HECTD4: variants seen among roughly 807,000 people sequenced by gnomAD.
The protein encoded by HECTD4 is probable E3 ubiquitin-protein ligase HECTD4.
A neutral mutation model predicts 471.5 loss-of-function variants in HECTD4; 114 were observed. That is an observed-to-expected ratio of 0.24 (90% CI 0.21 to 0.28). The LOEUF (loss-of-function observed/expected upper bound fraction) is 0.28, where lower values mean the gene tolerates loss of function less well. Among genes scored for constraint, HECTD4 ranks in the 10% least tolerant of loss-of-function variants. HECTD4 has a pLI of 1.00. For missense variants in HECTD4, 3,866 were observed against 5,651.5 expected, an observed-to-expected ratio of 0.68 and a Z score of 10.13; for synonymous variants, 2,012 against 2,256.0, an observed-to-expected ratio of 0.89 and a Z score of 3.07.
chr12:112,296,630 G>A (rs1284653266), intron 7 of HECTD4, among the ~76,000 whole-genome samples: 1 of 151,248 alleles, frequency 6.6e-6, no homozygotes, highest in African/African-American at 2.4e-5. Context: ...GGATGTAGGT[G>A]CAAAGGGTGT....
intron 1 of HECTD4, among the ~76,000 whole-genome samples, chr12:112,343,221 T>C (rs1042040109): frequency 6.6e-6 from 1 of 152,216 alleles, no homozygotes; most frequent in Admixed American, 6.5e-5. Flanking sequence ...CATAAATATG[T>C]TGTAAAAGGT....
At chr12:112,206,710 G>T (rs1447506421) in intron 52 of HECTD4, among the ~76,000 whole-genome samples, 1 of 151,920 alleles carries the variant, frequency 6.6e-6, no homozygotes, top group Non-Finnish European at 1.5e-5. Flanking sequence ...CTAATTTTTT[G>T]TATTTTTAGT....
At chr12:112,176,421 G>C (rs2031450280) in intron 65 of HECTD4, among the ~76,000 whole-genome samples, 175 bp downstream of exon 65, 1 of 152,158 alleles carries the variant, frequency 6.6e-6, no homozygotes, top group Non-Finnish European at 1.5e-5. Flanking sequence ...ATATTTCCCA[G>C]AATCTCTGGA....
In HECTD4 at chr12:112,226,217, A is replaced by G. The variant is rs570584027; in HGVS notation, c.6970+426T>C. Among the ~76,000 whole-genome samples the G allele has an allele frequency of 2.6e-5, 4 of 152,010 alleles. No homozygotes were observed. The South Asian group carries it at 8.3e-4, about 32-fold the overall frequency. ...TACACACACACACACACTCACACACACACTCACACACACACTCACACACAC... is the reference window on the plus strand; with the variant it reads ...TACACACACACACACACTCACACACGCACTCACACACACACTCACACACAC... On this transcript the variant is annotated intron_variant, in intron 44 of 75. Coordinates refer to ENST00000682272, the MANE Select transcript of HECTD4 (RefSeq NM_001388303.1).
intron 1 of HECTD4, among the ~76,000 whole-genome samples, chr12:112,371,886 CAAAAAAA>C (rs535844706): frequency 5.2e-5 from 3 of 57,254 alleles, no homozygotes; most frequent in Non-Finnish European, 1.1e-4. Context: ...AACTCTGTCT[CAAAAAAA>C]AAAAAAAAAA....
At chr12:112,363,200 T>C (rs2036490152) in intron 1 of HECTD4, among the ~76,000 whole-genome samples, 1 of 152,158 alleles carries the variant, frequency 6.6e-6, no homozygotes, top group Non-Finnish European at 1.5e-5. Context: ...AATTTATATA[T>C]AACATGTAAT....
chr12:112,193,727 G>T lies in HECTD4; in HGVS notation c.8750-53C>A. On this transcript the variant is annotated intron_variant, in intron 56 of 75. Transcript: ENST00000682272. This position sits in a 1 kb window ranked among gnomAD's most constrained non-coding sequence, Gnocchi z 5.2. ...ACAAGAATCAAAGCAGCCAGTAGCT[G>T]TGAGAGTCTAAGTAACAGAAAATGA... The T allele has an allele frequency of 6.6e-7, 1 of 1,503,806 alleles. No homozygotes were observed. The highest frequency in any genetic ancestry group is 9.1e-7 in the Non-Finnish European group (1 of 1,098,134). 93.2% of individuals were successfully genotyped at this position (1,503,806 alleles called of 1,614,324 possible). A position where few individuals can be genotyped will look rare whatever the true frequency, so the allele number is the denominator to read the frequency against.
chr12:112,264,076 G>A lies in HECTD4; in HGVS notation c.2748+8C>T. The A allele has an allele frequency of 6.2e-7, 1 of 1,607,360 alleles. No homozygotes were observed. Among genetic ancestry groups the A allele is most frequent in the Non-Finnish European group, 8.5e-7 (1 of 1,176,932 alleles). ...GAACGCATCGTTAAAATAAAGCTTG[G>A]TGTTTACCTGTACCTTCAATGTCTC... On this transcript the variant is annotated splice_region_variant and intron_variant, in intron 17 of 75. Coordinates refer to ENST00000682272, the MANE Select transcript of HECTD4 (RefSeq NM_001388303.1).
intron 40 of HECTD4, 144 bp from the exon 41 acceptor site, chr12:112,230,024 T>A (rs562818555): frequency 1.5e-6 from 1 of 681,402 alleles, no homozygotes; most frequent in South Asian, 2.0e-5. Context: ...CTATCAGGTA[T>A]GGCCAATGAC....
rs1160389067 is a variant in HECTD4 at position 112,228,763 on chromosome 12, T to C, written c.6568A>G (p.Asn2190Asp). 6.2e-7 allele frequency: 1 copy of C among 1,613,704 alleles called. No individual in the cohort carries two copies. The highest frequency in any genetic ancestry group is 1.7e-5 in the Admixed American group (1 of 59,866). Residue 2190 changes from asparagine to aspartate, a missense_variant, in exon 42 of 76, where the codon AAT becomes GAT. Transcript: ENST00000682272. This position sits in a 1 kb window ranked among gnomAD's most constrained non-coding sequence, Gnocchi z 4.9. Reference protein sequence around the residue: ...SGSIGVVASINEQEGIATVRF... With the variant: ...SGSIGVVASIDEQEGIATVRF... ...ACTGTAGCTATACCTTCCTGTTCAT[T>C]GATAGAAGCCACTACTCCAATGCTT...
Position 112,179,319 on chromosome 12 carries a change from C to T in HECTD4, c.11066G>A (p.Ser3689Asn). The T allele has an allele frequency of 1.9e-6, 3 of 1,613,384 alleles. No homozygotes were observed. Among genetic ancestry groups the T allele is most frequent in the Non-Finnish European group, 2.5e-6 (3 of 1,179,662 alleles). ...TCTGATGGGCTTCGCTGGTGTCAGG[C>T]TCAGCGTCTGCTCTGAATGGGCACA... ...KSCAHSEQTLSLTPAKPIRVS... is the reference protein window; with the variant it reads ...KSCAHSEQTLNLTPAKPIRVS... Residue 3689 changes from serine to asparagine, a missense_variant, in exon 63 of 76, where the codon AGC becomes AAC. Ser to Asn is a conservative substitution (Grantham distance 46, BLOSUM62 1). Coordinates refer to ENST00000682272, the MANE Select transcript of HECTD4 (RefSeq NM_001388303.1). This position sits in a 1 kb window ranked among gnomAD's most constrained non-coding sequence, Gnocchi z 4.3.
Position 112,190,826 on chromosome 12 carries a change from G to A in HECTD4, c.9432C>T (p.Thr3144=), listed in dbSNP as rs2032053551. Residue 3144 remains threonine, a synonymous_variant, in exon 60 of 76, where the codon ACC becomes ACT. Coordinates refer to ENST00000682272, the MANE Select transcript of HECTD4 (RefSeq NM_001388303.1). ...CCTGCAGGAGGACGGATGTCGGAAT[G>A]GTGTCAGGCTCATCTTCGGACTTCC... ...SEGKSEDEPD[T]IPTSVLLQVV... The A allele has an allele frequency of 6.3e-7, 1 of 1,590,132 alleles. No homozygotes were observed. The highest frequency in any genetic ancestry group is 1.8e-5 in the Admixed American group (1 of 56,980).
rs2035550416 is a variant in HECTD4 at position 112,319,887 on chromosome 12, G to A, written c.178-145C>T. 3.5e-6 allele frequency: 2 copies of A among 567,142 alleles called. No individual in the cohort carries two copies. The highest frequency in any genetic ancestry group is 5.3e-6 in the Non-Finnish European group (2 of 380,812). 35.1% of individuals were successfully genotyped at this position (567,142 alleles called of 1,614,324 possible). ...TCAAATGGAAAACGTATACTGTAAAGCCAGCTCTTTGCTGATGGAATTGTT... is the reference window on the plus strand; with the variant it reads ...TCAAATGGAAAACGTATACTGTAAAACCAGCTCTTTGCTGATGGAATTGTT... On this transcript the variant is annotated intron_variant, in intron 1 of 75. Transcript: ENST00000682272. This position sits in a 1 kb window ranked among gnomAD's most constrained non-coding sequence, Gnocchi z 5.3.
In HECTD4 at chr12:112,319,373, T is replaced by A. The variant is rs2035543527; in HGVS notation, c.547A>T (p.Ser183Cys). 6.5e-7 allele frequency: 1 copy of A among 1,535,964 alleles called. No individual in the cohort carries two copies. The highest frequency in any genetic ancestry group is 8.7e-7 in the Non-Finnish European group (1 of 1,146,912). ...CAGTCAGCAGGCTCCTTGGTCAAGC[T>A]CAAAGGCTGGCAGTCACGAAGGCAG... Reference protein sequence around the residue: ...LNCLRDCQPLSLTKEPADCLN... With the variant: ...LNCLRDCQPLCLTKEPADCLN... Residue 183 changes from serine (S) to cysteine (C), a missense_variant, in exon 2 of 76, where the codon AGC (serine) becomes TGC (cysteine). By Grantham distance (112) the Ser-to-Cys change is moderately radical. Coordinates refer to ENST00000682272, the MANE Select transcript of HECTD4 (RefSeq NM_001388303.1). The surrounding 1 kb of genome is among the most constrained non-coding windows in gnomAD (Gnocchi z 5.3).
In HECTD4 at chr12:112,210,045, G is replaced by A. The variant is rs2032715796; in HGVS notation, c.7837C>T (p.Arg2613Trp). The A allele has an allele frequency of 3.1e-6, 5 of 1,613,732 alleles. No individual in the cohort carries two copies. Among genetic ancestry groups the A allele is most frequent in the Middle Eastern group, 1.6e-4 (1 of 6,074 alleles). The change falls in exon 50 of 76, where the codon CGG becomes TGG. Residue 2613 changes from arginine (R) to tryptophan (W), a missense_variant. Physicochemically the swap from Arg to Trp is moderately radical, Grantham distance 101. Transcript: ENST00000682272. Reference sequence around the variant, plus strand: ...TGAGCGGTGGCCACGGCAGCAATCCGGCATGGTGGCCCATGAGTGCCTGGG... The same window carrying A: ...TGAGCGGTGGCCACGGCAGCAATCCAGCATGGTGGCCCATGAGTGCCTGGG... ...SDPGTHGPPCRIAAVATAQQQ... is the reference protein window; with the variant it reads ...SDPGTHGPPCWIAAVATAQQQ...
At chr12:112,301,740 A>G in intron 7 of HECTD4, 1 of 452,022 alleles carries the variant, frequency 2.2e-6, no homozygotes, top group Admixed American at 3.4e-5. Context: ...CAATATCTTC[A>G]CATATCTCAC....
chr12:112,168,309 A>G (rs1040122361), intron 70 of HECTD4, among the ~76,000 whole-genome samples: 3 of 152,190 alleles, frequency 2.0e-5, no homozygotes, highest in Non-Finnish European at 4.4e-5. Flanking sequence ...CCTCTGGGCC[A>G]GGCTGAGGGC....
At chr12:112,175,956 CCCAACCCAT>C in intron 65 of HECTD4, 97 bp from the exon 66 acceptor site, 1 of 1,449,492 alleles carries the variant, frequency 6.9e-7, no homozygotes, top group Non-Finnish European at 9.4e-7. Context: ...TCCCCTACGG[CCCAACCCAT>C]CTAATTCCCC....
At chr12:112,270,105 G>T in intron 12 of HECTD4, 122 bp downstream of exon 12, 1 of 819,092 alleles carries the variant, frequency 1.2e-6, no homozygotes, top group Non-Finnish European at 1.9e-6. Flanking sequence ...GGATCAGAAG[G>T]TGGTAAGATG....
Sources: allele counts gnomAD v4.1 joint callset (sites outside exome capture counted in the v4.1 genomes callset), GRCh38; gene constraint gnomAD v4.1.1; non-coding constraint Gnocchi (gnomAD v3.1); transcripts MANE v1.5; gene names NCBI Gene and HGNC (gene_info 2026-07-23, HGNC 2026-07-21).